Variants in SI observed in about 807,000 individuals in gnomAD.
SI encodes the protein sucrase-isomaltase.
SI carries 235 observed loss-of-function variants against 253.3 expected under a neutral mutation model. The observed-to-expected ratio is 0.93, with a 90% confidence interval of 0.83 to 1.03. SI has a LOEUF of 1.03. Among genes scored for constraint, SI ranks in the 50% least tolerant of loss-of-function variants. The pLI, the probability that SI is intolerant of heterozygous loss-of-function variation, is 0.00. For synonymous variants in SI, 819 were observed against 712.0 expected (o/e 1.15, Z -2.39); for missense variants, 2,442 against 2,211.1 (o/e 1.10, Z -2.09).
rs369923936 is a variant in SI at position 165,037,997 on chromosome 3, G to T, written c.2329C>A (p.Arg777=). The stretch of plus-strand genomic sequence containing the variant: ...TCTGCTGGAAGATACATATCAACCC[G>T]TTGTTTCCTCCATGGCCTTTTTGCA... ...SGAKRPWRKQ[R]VDMYLPADKI... The change falls in exon 21 of 48, where the codon CGG becomes AGG. Residue 777 remains arginine (R), a synonymous_variant. Transcript: ENST00000264382. 13 of 1,603,250 alleles carry T rather than the reference G, an allele frequency of 8.1e-6. No homozygotes were observed. Among genetic ancestry groups the T allele is most frequent in the East Asian group, 4.5e-5 (2 of 44,588 alleles).
At chr3:165,017,481 GT>G in intron 31 of SI, 66 bp downstream of exon 31, 1 of 1,479,642 alleles carries the variant, frequency 6.8e-7, no homozygotes, top group East Asian at 2.4e-5. Context: ...AAGTATACAT[GT>G]TTAATTATTT....
intron 12 of SI, among the ~76,000 whole-genome samples, chr3:165,056,540 C>T (rs9290258): frequency 0.58 from 87,649 of 151,964 alleles, 25,733 homozygotes; most frequent in East Asian, 0.81. Flanking sequence ...ATTGCATACA[C>T]CACCCCTCTC....
At chr3:164,998,783 G>A in intron 37 of SI, 110 bp from the exon 38 acceptor site, 1 of 896,634 alleles carries the variant, frequency 1.1e-6, no homozygotes, top group Non-Finnish European at 1.8e-6. Context: ...TGCTTATATT[G>A]TCATTTATTA....
chr3:164,991,390 G>C lies in SI; in HGVS notation c.5071C>G (p.Leu1691Val). ...TTTTGAGCTGGCTCTTGACATGGTA[G>C]GATGTGACCACCACGGACATGTAGG... ...INLHVRGGHI[L>V]PCQEPAQNTF... is the part of the protein sequence containing the mutation. The change falls in exon 44 of 48, where the codon CTA (leucine) becomes GTA (valine). Residue 1691 changes from leucine to valine, a missense_variant. Transcript: ENST00000264382. 1 of 1,613,762 alleles carries C rather than the reference G, an allele frequency of 6.2e-7. No individual in the cohort carries two copies. Among genetic ancestry groups the C allele is most frequent in the Non-Finnish European group, 8.5e-7 (1 of 1,179,798 alleles).
At chr3:165,065,494 T>TATA (rs10530690) in intron 6 of SI, 62 bp from the exon 7 acceptor site, 54 of 268,684 alleles carry the variant, frequency 2.0e-4, no homozygotes, top group East Asian at 3.1e-4. Flanking sequence ...TATATATATA[T>TATA]GATATTCTAC....
chr3:165,017,575 G>A lies in SI; in HGVS notation c.3732C>T (p.Asp1244=), dbSNP rs200449490. 122 of 1,612,088 alleles carry A rather than the reference G, an allele frequency of 7.6e-5. 1 individual carries two copies. The highest frequency in any genetic ancestry group is 2.8e-4 in the Admixed American group (17 of 59,864). ...AGGGGATGTTAGCAGCCACCATAGC[G>A]TCATATAATTCCCGAACCTCTGAAG... ...ANTSEVRELY[D]AMVAANIPYD... Residue 1244 remains aspartate (D), a synonymous_variant, in exon 31 of 48, where the codon GAC becomes GAT. Transcript: ENST00000264382.
rs1470075287 is a variant in SI at position 165,046,824 on chromosome 3, C to G, written c.1887+17G>C. ...AATTGTAGCTTTTATGAGTAACACTCTATGAAACTGTCTTACCAAAGGTAT... is the reference window on the plus strand; with the variant it reads ...AATTGTAGCTTTTATGAGTAACACTGTATGAAACTGTCTTACCAAAGGTAT... On this transcript the variant is annotated intron_variant, in intron 16 of 47. Coordinates refer to ENST00000264382, the MANE Select transcript of SI (RefSeq NM_001041.4). 11 of 1,594,410 alleles carry G rather than the reference C, an allele frequency of 6.9e-6. No homozygotes were observed. Among genetic ancestry groups the G allele is most frequent in the African/African-American group, 1.3e-5 (1 of 74,474 alleles).
At chr3:165,029,175 A>G (rs935562947) in intron 25 of SI, among the ~76,000 whole-genome samples, 3 of 151,610 alleles carry the variant, frequency 2.0e-5, no homozygotes, top group African/African-American at 7.2e-5. Context: ...AAACATATGA[A>G]AAAATGATCA....
At chr3:165,050,985 T>A (rs1359771167) in intron 13 of SI, among the ~76,000 whole-genome samples, 1 of 152,048 alleles carries the variant, frequency 6.6e-6, no homozygotes, top group African/African-American at 2.4e-5. Flanking sequence ...TATTAACAGA[T>A]TAGAAAATAT....
chr3:165,051,386 A>G (rs554621891), intron 13 of SI, among the ~76,000 whole-genome samples: 1 of 152,204 alleles, frequency 6.6e-6, no homozygotes, highest in East Asian at 1.9e-4. Context: ...AATGAGAGAA[A>G]TTAATATAGT....
intron 16 of SI, among the ~76,000 whole-genome samples, chr3:165,045,846 CA>C (rs1713078307): frequency 9.6e-6 from 1 of 104,616 alleles, no homozygotes; most frequent in African/African-American, 3.4e-5. Context: ...ATATGTTTTT[CA>C]ATTTTTTTTT....
rs761676120 is a variant in SI at position 164,983,064 on chromosome 3, A to AG, written c.5198-14_5198-13insC. On this transcript the variant is annotated splice_polypyrimidine_tract_variant and intron_variant, in intron 45 of 47. Coordinates refer to ENST00000264382, the MANE Select transcript of SI (RefSeq NM_001041.4). ...CTTTCATAGGTGTCTGTAGAGAGAGAAAAAAAATGTGATATATTGTTATTT... is the reference window on the plus strand; with the variant it reads ...CTTTCATAGGTGTCTGTAGAGAGAGAGAAAAAAATGTGATATATTGTTATTT... 4.6e-6 allele frequency: 7 copies of AG among 1,532,600 alleles called. 1 individual carries two copies. Among genetic ancestry groups the AG allele is most frequent in the African/African-American group, 1.4e-5 (1 of 73,348 alleles). 94.9% of individuals were successfully genotyped at this position (1,532,600 alleles called of 1,614,324 possible).
At chr3:165,079,902 T>C (rs1715238693), upstream of SI, among the ~76,000 whole-genome samples, 1 of 151,830 alleles carries the variant, frequency 6.6e-6, no homozygotes, top group Admixed American at 6.6e-5. Flanking sequence ...TACGCCATAT[T>C]CATAGACTGC....
At chr3:165,054,591 A>C (rs959724711) in intron 13 of SI, among the ~76,000 whole-genome samples, 1 of 151,954 alleles carries the variant, frequency 6.6e-6, no homozygotes, top group Admixed American at 6.6e-5. Context: ...CTGACCTCAA[A>C]TGATTGGCTC....
At chr3:165,045,434 C>A (rs1315321696) in intron 16 of SI, among the ~76,000 whole-genome samples, 1 of 151,984 alleles carries the variant, frequency 6.6e-6, no homozygotes, top group Non-Finnish European at 1.5e-5. Context: ...ACACCTTATA[C>A]TAAAATACAT....
chr3:165,064,367 C>T (rs1337097682), intron 7 of SI, among the ~76,000 whole-genome samples: 2 of 152,170 alleles, frequency 1.3e-5, no homozygotes, highest in African/African-American at 2.4e-5. Context: ...GACAGTCTCA[C>T]TCTGGTGTCG....
rs542991783 is a variant in SI, at chr3:164,994,252, C to T, written c.4841+5G>A. On this transcript the variant is annotated splice_donor_5th_base_variant and intron_variant, in intron 41 of 47. Coordinates refer to ENST00000264382, the MANE Select transcript of SI (RefSeq NM_001041.4). Reference sequence around the variant, plus strand: ...GTGATAAGAGAAAACAAACTTTGTACTTACTCATGCAAAAGGGGTCGGATA... The same window carrying T: ...GTGATAAGAGAAAACAAACTTTGTATTTACTCATGCAAAAGGGGTCGGATA... 3.7e-6 allele frequency: 6 copies of T among 1,609,760 alleles called. No homozygotes were observed. In the South Asian group the frequency reaches 6.6e-5, roughly 18 times the overall value.
chr3:165,045,845 T>TC (rs1252442527), intron 16 of SI, among the ~76,000 whole-genome samples: 1 of 123,010 alleles, frequency 8.1e-6, no homozygotes, highest in East Asian at 3.0e-4. Context: ...AATATGTTTT[T>TC]CAATTTTTTT....
At chr3:165,081,654 A>C (rs1186036876), upstream of SI, among the ~76,000 whole-genome samples, 1 of 152,028 alleles carries the variant, frequency 6.6e-6, no homozygotes, top group Non-Finnish European at 1.5e-5. Context: ...ATAATAAAAA[A>C]TGTTCTGCTT....
Sources: allele counts gnomAD v4.1 joint callset (sites outside exome capture counted in the v4.1 genomes callset), GRCh38; gene constraint gnomAD v4.1.1; transcripts MANE v1.5; gene names NCBI Gene and HGNC (gene_info 2026-07-23, HGNC 2026-07-21).